Variants in METTL16 observed in about 807,000 individuals in gnomAD.
The protein encoded by METTL16 is RNA N(6)-adenosine-methyltransferase METTL16.
Under a neutral mutation model 57.9 loss-of-function variants are expected in METTL16, and 19 were observed. The observed-to-expected ratio is 0.33, with a 90% confidence interval of 0.23 to 0.48. The LOEUF (loss-of-function observed/expected upper bound fraction) is 0.48, where lower values mean the gene tolerates loss of function less well. METTL16 is among the 20% of genes least tolerant of loss of function. The pLI is 0.99. For synonymous variants in METTL16, 246 were observed against 255.6 expected, an observed-to-expected ratio of 0.96 and a Z score of 0.36; for missense variants, 434 against 691.5, an observed-to-expected ratio of 0.63 and a Z score of 4.18.
chr17:2,502,399 G>A (rs950428432), intron 1 of METTL16, 68 bp from the exon 2 acceptor site: 140 of 1,487,912 alleles, frequency 9.4e-5, no homozygotes, highest in African/African-American at 6.3e-4. Flanking sequence ...GGCCGGGTGC[G>A]GTGCCTCATG....
chr17:2,508,945 CTG>C (rs2067567246), intron 1 of METTL16, among the ~76,000 whole-genome samples: 1 of 152,094 alleles, frequency 6.6e-6, no homozygotes, highest in African/African-American at 2.4e-5. Flanking sequence ...TTCTTACTGC[CTG>C]TAAGACTCTC....
chr17:2,435,297 C>T (rs919052404), intron 8 of METTL16, among the ~76,000 whole-genome samples: 8 of 152,104 alleles, frequency 5.3e-5, no homozygotes, highest in African/African-American at 1.9e-4. Context: ...CCTAAAATGG[C>T]GGGAGTGGGG....
intron 2 of METTL16, among the ~76,000 whole-genome samples, chr17:2,494,851 A>G (rs2067430515): frequency 2.0e-5 from 3 of 152,022 alleles, no homozygotes; most frequent in Admixed American, 1.3e-4. Flanking sequence ...ACAAAAAAAC[A>G]GCCAGGCATG....
chr17:2,444,117 A>G (rs141694585), intron 6 of METTL16, among the ~76,000 whole-genome samples: 1 of 152,324 alleles, frequency 6.6e-6, no homozygotes, highest in East Asian at 1.9e-4. Context: ...GAGTCACATA[A>G]GGACATCTCA....
chr17:2,474,155 T>G (rs922801602), intron 3 of METTL16, among the ~76,000 whole-genome samples: 6 of 152,104 alleles, frequency 3.9e-5, no homozygotes, highest in Non-Finnish European at 1.5e-5. Flanking sequence ...TGCTCAAAAC[T>G]CAGCTGATTT....
chr17:2,457,795 A>T (rs116913335), intron 6 of METTL16, among the ~76,000 whole-genome samples: 13 of 152,288 alleles, frequency 8.5e-5, no homozygotes, highest in Non-Finnish European at 1.5e-4. Context: ...TAATTCTATA[A>T]CCACTTTATG....
intron 1 of METTL16, among the ~76,000 whole-genome samples, chr17:2,506,381 C>T (rs1007117862): frequency 6.6e-6 from 1 of 151,750 alleles, no homozygotes; most frequent in Non-Finnish European, 1.5e-5. Context: ...ACTGCAACCT[C>T]CCTGCCTGAT....
At chr17:2,477,558 C>T (rs1224619705) in intron 3 of METTL16, 128 bp downstream of exon 3, 7 of 700,342 alleles carry the variant, frequency 1.0e-5, no homozygotes, top group Non-Finnish European at 1.5e-5. Flanking sequence ...ATTAAGGATG[C>T]TCAACCTGTA....
At chr17:2,451,862 C>A (rs182233877) in intron 6 of METTL16, among the ~76,000 whole-genome samples, 2 of 152,090 alleles carry the variant, frequency 1.3e-5, no homozygotes, top group East Asian at 1.9e-4. Context: ...AAAAAAGATA[C>A]TGGCTTGGCG....
intron 6 of METTL16, among the ~76,000 whole-genome samples, chr17:2,456,761 A>G (rs1362619682): frequency 6.6e-6 from 1 of 151,858 alleles, no homozygotes; most frequent in Non-Finnish European, 1.5e-5. Context: ...GAGTTACCAC[A>G]CCCGGACTGT....
At chr17:2,441,700 T>G (rs1597445125) in intron 6 of METTL16, 141 bp from the exon 7 acceptor site, 2 of 467,146 alleles carry the variant, frequency 4.3e-6, no homozygotes, top group Non-Finnish European at 7.4e-6. Context: ...AGGAATTACA[T>G]ACAATGTATT....
chr17:2,487,002 T>TC (rs2067347469), intron 2 of METTL16, among the ~76,000 whole-genome samples: 1 of 12,650 alleles, frequency 7.9e-5, no homozygotes, highest in Non-Finnish European at 1.8e-4. Context: ...AGATCCTGTC[T>TC]CAAAAAAAAA....
chr17:2,494,019 A>T (rs981355046), intron 2 of METTL16, among the ~76,000 whole-genome samples: 1 of 152,118 alleles, frequency 6.6e-6, no homozygotes, highest in Non-Finnish European at 1.5e-5. Flanking sequence ...AAGTCTTTTT[A>T]AAAAACTTTT....
In METTL16 at chr17:2,417,442, T is replaced by TAGGGACAGAAACACACTG. The variant is rs2066728643; in HGVS notation, c.*2510_*2527dup. On this transcript the variant is annotated 3_prime_UTR_variant, in exon 10 of 10. Coordinates refer to ENST00000263092, the MANE Select transcript of METTL16 (RefSeq NM_024086.4). ...CCTCCATGACATGAAGCCTTAAACC[T>TAGGGACAGAAACACACTG]AGGGACAGAAACACACTGAGACACA... 1 of 152,144 alleles carries TAGGGACAGAAACACACTG rather than the reference T, an allele frequency of 6.6e-6. No individual in the cohort carries two copies. Among genetic ancestry groups the TAGGGACAGAAACACACTG allele is most frequent in the Non-Finnish European group, 1.5e-5 (1 of 68,032 alleles). The allele number at this position is 152,144 out of a possible 1,614,324, so 9.4% of individuals were successfully genotyped here. A position where few individuals can be genotyped will look rare whatever the true frequency, so the allele number is the denominator to read the frequency against.
At chr17:2,438,820 A>T (rs920903351) in intron 7 of METTL16, among the ~76,000 whole-genome samples, 6 of 152,154 alleles carry the variant, frequency 3.9e-5, no homozygotes, top group Non-Finnish European at 8.8e-5. Context: ...TTTCTTTTTT[A>T]GAAAGAAAGT....
chr17:2,494,301 C>T (rs112931449), intron 2 of METTL16, among the ~76,000 whole-genome samples: 4,099 of 152,188 alleles, frequency 0.027, 98 homozygotes, highest in African/African-American at 0.067. Context: ...GGATTACAGG[C>T]GTGAGCCACT....
At chr17:2,427,690 G>A (rs930409261) in intron 8 of METTL16, among the ~76,000 whole-genome samples, 4 of 151,806 alleles carry the variant, frequency 2.6e-5, no homozygotes, top group African/African-American at 4.8e-5. Context: ...TGATCCCCCC[G>A]CCTCAGCCTC....
At chr17:2,483,418 G>A (rs1306248658) in intron 2 of METTL16, among the ~76,000 whole-genome samples, 1 of 152,160 alleles carries the variant, frequency 6.6e-6, no homozygotes, top group African/African-American at 2.4e-5. Context: ...AGCTTCTATA[G>A]GACAGTGGAA....
chr17:2,510,245 C>T (rs1029172808), intron 1 of METTL16, among the ~76,000 whole-genome samples: 33 of 152,146 alleles, frequency 2.2e-4, no homozygotes, highest in African/African-American at 7.7e-4. Flanking sequence ...CTGATCAAGT[C>T]AGAGTATATG....
Sources: gnomAD v4.1 joint callset for allele counts (sites outside exome capture counted in the v4.1 genomes callset) on GRCh38, gnomAD v4.1.1 for gene constraint, MANE v1.5 for transcripts, NCBI Gene and HGNC (gene_info 2026-07-23, HGNC 2026-07-21) for gene names.